TAGLN: variants seen among roughly 807,000 people sequenced by gnomAD.
TAGLN encodes the protein transgelin.
TAGLN carries 16 observed loss-of-function variants against 21.9 expected under a neutral mutation model. The observed-to-expected ratio is 0.73, with a 90% CI of 0.49 to 1.11. The LOEUF (loss-of-function observed/expected upper bound fraction) is 1.11, where lower values mean the gene tolerates loss of function less well. Among genes scored for constraint, TAGLN ranks in the 50% least tolerant of loss-of-function variants. The pLI is 0.00. For missense variants in TAGLN, 248 were observed against 263.2 expected (o/e 0.94, Z 0.40); for synonymous variants, 96 against 94.9 (o/e 1.01, Z -0.06).
Position 117,205,162 on chromosome 11 carries a change from TA to T in TAGLN, c.*811del. On this transcript the variant is annotated 3_prime_UTR_variant, in exon 5 of 5. Coordinates refer to ENST00000392951, the MANE Select transcript of TAGLN (RefSeq NM_003186.5). Reference sequence around the variant, plus strand: ...AAAGAGAAAAACAAATCTTAAGCATTAAAAAAAATTCAACCAACTAGCTCAG... The same window carrying T: ...AAAGAGAAAAACAAATCTTAAGCATTAAAAAAATTCAACCAACTAGCTCAG... 3 of 232,312 alleles carry T rather than the reference TA, an allele frequency of 1.3e-5. No individual in the cohort carries two copies. Among genetic ancestry groups the T allele is most frequent in the South Asian group, 1.8e-4 (1 of 5,518 alleles). The allele number at this position is 232,312 out of a possible 1,614,324, so 14.4% of individuals were successfully genotyped here. A position where few individuals can be genotyped will look rare whatever the true frequency, so the allele number is the denominator to read the frequency against.
Position 117,205,397 on chromosome 11 carries a change from C to A in TAGLN, c.*1038C>A. 1 of 233,520 alleles carries A rather than the reference C, an allele frequency of 4.3e-6. No individual in the cohort carries two copies. Among genetic ancestry groups the A allele is most frequent in the East Asian group, 6.0e-5 (1 of 16,552 alleles). 14.5% of individuals were successfully genotyped at this position (233,520 alleles called of 1,614,324 possible). A position where few individuals can be genotyped will look rare whatever the true frequency, so the allele number is the denominator to read the frequency against. ...CCTGCCGCAGGATTCCCTAGTGAAG[C>A]AGCTCAGGCCTGGGGGAGCCGTGTG... On this transcript the variant is annotated 3_prime_UTR_variant, in exon 5 of 5. Transcript: ENST00000392951.
intron 1 of TAGLN, 112 bp from the exon 2 acceptor site, chr11:117,202,890 G>A: frequency 1.0e-6 from 1 of 984,442 alleles, no homozygotes; most frequent in Admixed American, 3.1e-5. Flanking sequence ...TGTGACAAGT[G>A]TCTAGGATGG....
rs2031252754 is a variant in TAGLN, at chr11:117,204,476, GC to G, written c.*118del. 2 of 1,493,678 alleles carry G rather than the reference GC, an allele frequency of 1.3e-6. No individual in the cohort carries two copies. The highest frequency in any genetic ancestry group is 3.8e-5 in the Admixed American group (2 of 52,952). The allele number at this position is 1,493,678 out of a possible 1,614,324, so 92.5% of individuals were successfully genotyped here. A position where few individuals can be genotyped will look rare whatever the true frequency, so the allele number is the denominator to read the frequency against. On this transcript the variant is annotated 3_prime_UTR_variant, in exon 5 of 5. Coordinates refer to ENST00000392951, the MANE Select transcript of TAGLN (RefSeq NM_003186.5). The stretch of plus-strand genomic sequence containing the variant: ...CCTTCAGCCCTGGCCAAGCTTTGAG[GC>G]TCTGTCACTGAGCAATGGTAACTGC...
At chr11:117,202,379 G>C (rs2031135498) in intron 1 of TAGLN, 1 of 152,320 alleles carries the variant, frequency 6.6e-6, no homozygotes, top group Admixed American at 6.5e-5. Flanking sequence ...AAGAGCTGGA[G>C]TTCTGGAGTT....
chr11:117,203,639 C>T lies in TAGLN; in HGVS notation c.359-143C>T, dbSNP rs2031200708. The stretch of plus-strand genomic sequence containing the variant: ...AGAATAACACGCCACGCTCACAGGG[C>T]CCACTGAGAGGCCTCCCTTGAATTG... On this transcript the variant is annotated intron_variant, in intron 3 of 4. Coordinates refer to ENST00000392951, the MANE Select transcript of TAGLN (RefSeq NM_003186.5). The surrounding 1 kb of genome is among the most constrained non-coding windows in gnomAD (Gnocchi z 4.4). 5 of 1,239,252 alleles carry T rather than the reference C, an allele frequency of 4.0e-6. No homozygotes were observed. The highest frequency in any genetic ancestry group is 4.5e-6 in the Non-Finnish European group (4 of 884,262). 76.8% of individuals were successfully genotyped at this position (1,239,252 alleles called of 1,614,324 possible).
chr11:117,203,885 G>A lies in TAGLN; in HGVS notation c.461+1G>A. 6.2e-7 allele frequency: 1 copy of A among 1,613,396 alleles called. No individual in the cohort carries two copies. Among genetic ancestry groups the A allele is most frequent in the Non-Finnish European group, 8.5e-7 (1 of 1,179,426 alleles). The stretch of plus-strand genomic sequence containing the variant: ...GTGGAGATCCCAACTGGTTTATGAA[G>A]TATGTGGCCCCCAGGGAGCTTGGGT... On this transcript the variant is annotated splice_donor_variant, in intron 4 of 4. Coordinates refer to ENST00000392951, the MANE Select transcript of TAGLN (RefSeq NM_003186.5). LOFTEE classifies it high-confidence loss of function. The surrounding 1 kb of genome is among the most constrained non-coding windows in gnomAD (Gnocchi z 4.4).
Position 117,203,031 on chromosome 11 carries a change from T to C in TAGLN, c.18T>C (p.Pro6=), listed in dbSNP as rs760480632. MANKG[P]SYGMSREVQS... Reference sequence around the variant, plus strand: ...CCCCAGACATGGCCAACAAGGGTCCTTCCTATGGCATGAGCCGCGAAGTGC... The same window carrying C: ...CCCCAGACATGGCCAACAAGGGTCCCTCCTATGGCATGAGCCGCGAAGTGC... The change falls in exon 2 of 5, where the codon CCT becomes CCC. Residue 6 remains proline (P), a synonymous_variant. Coordinates refer to ENST00000392951, the MANE Select transcript of TAGLN (RefSeq NM_003186.5). The surrounding 1 kb of genome is among the most constrained non-coding windows in gnomAD (Gnocchi z 4.4). 1 of 1,576,356 alleles carries C rather than the reference T, an allele frequency of 6.3e-7. No individual in the cohort carries two copies. Among genetic ancestry groups the C allele is most frequent in the East Asian group, 2.2e-5 (1 of 44,662 alleles).
Position 117,204,350 on chromosome 11 carries a change from C to G in TAGLN, c.597C>G (p.Ile199Met). ...CAGGCTACGGACGACCTCGGCAGAT[C>G]ATCAGTTAGAGCGGAGAGGGCTAGC... ...GMTGYGRPRQ[I>M]IS The change falls in exon 5 of 5, where the codon ATC (isoleucine) becomes ATG (methionine). Residue 199 changes from isoleucine (I) to methionine (M), a missense_variant. Ile to Met is a conservative substitution (Grantham distance 10). Transcript: ENST00000392951. 1 of 1,614,240 alleles carries G rather than the reference C, an allele frequency of 6.2e-7. No individual in the cohort carries two copies. The highest frequency in any genetic ancestry group is 8.5e-7 in the Non-Finnish European group (1 of 1,180,048).
Position 117,205,283 on chromosome 11 carries a change from G to A in TAGLN, c.*924G>A. 4.3e-6 allele frequency: 1 copy of A among 233,812 alleles called. No individual in the cohort carries two copies. Among genetic ancestry groups the A allele is most frequent in the Non-Finnish European group, 8.5e-6 (1 of 118,098 alleles). 14.5% of individuals were successfully genotyped at this position (233,812 alleles called of 1,614,324 possible). The stretch of plus-strand genomic sequence containing the variant: ...AAGGCCATTTCCCTGAGCACTTGCA[G>A]AGGAAGACAGGGTGGTGGCAGGACT... On this transcript the variant is annotated 3_prime_UTR_variant, in exon 5 of 5. Transcript: ENST00000392951.
rs1401814768 is a variant in TAGLN, at chr11:117,204,446, T to A, written c.*87T>A. The A allele has an allele frequency of 6.3e-6, 10 of 1,590,832 alleles. No individual in the cohort carries two copies. The highest frequency in any genetic ancestry group is 7.7e-6 in the Non-Finnish European group (9 of 1,163,914). On this transcript the variant is annotated 3_prime_UTR_variant, in exon 5 of 5. Coordinates refer to ENST00000392951, the MANE Select transcript of TAGLN (RefSeq NM_003186.5). ...TTAGCCTGCCTCACCCACACCCGTGTGGTACCTTCAGCCCTGGCCAAGCTT... is the reference window on the plus strand; with the variant it reads ...TTAGCCTGCCTCACCCACACCCGTGAGGTACCTTCAGCCCTGGCCAAGCTT...
At chr11:117,199,664 CG>C (rs1185659357) in intron 1 of TAGLN, 11 of 152,276 alleles carry the variant, frequency 7.2e-5, no homozygotes, top group African/African-American at 2.4e-4. Context: ...TGAAATGCCC[CG>C]GATGACTTGG....
At chr11:117,202,922 A>T in intron 1 of TAGLN, 80 bp from the exon 2 acceptor site, 1 of 1,361,270 alleles carries the variant, frequency 7.3e-7, no homozygotes, top group Non-Finnish European at 9.9e-7. Flanking sequence ...GCACAGAGCT[A>T]GAAGGCTGCC....
chr11:117,203,349 A>G lies in TAGLN; in HGVS notation c.223A>G (p.Lys75Glu). 1 of 1,614,200 alleles carries G rather than the reference A, an allele frequency of 6.2e-7. No individual in the cohort carries two copies. Among genetic ancestry groups the G allele is most frequent in the East Asian group, 2.2e-5 (1 of 44,886 alleles). The change falls in exon 3 of 5, where the codon AAG becomes GAG. Residue 75 changes from lysine to glutamate, a missense_variant. Transcript: ENST00000392951. The surrounding 1 kb of genome is among the most constrained non-coding windows in gnomAD (Gnocchi z 4.4). ...GAACAGCCTGTACCCTGATGGCTCCAAGCCGGTGAAGGTGCCCGAGAACCC... is the reference window on the plus strand; with the variant it reads ...GAACAGCCTGTACCCTGATGGCTCCGAGCCGGTGAAGGTGCCCGAGAACCC... ...LVNSLYPDGS[K>E]PVKVPENPPS...
rs1156522945 is a variant in TAGLN at position 117,203,400 on chromosome 11, G to A, written c.274G>A (p.Glu92Lys). Residue 92 changes from glutamate to lysine, a missense_variant, in exon 3 of 5, where the codon GAG (glutamate) becomes AAG (lysine). By Grantham distance (56) the Glu-to-Lys change is moderately conservative. Transcript: ENST00000392951. The surrounding 1 kb of genome is among the most constrained non-coding windows in gnomAD (Gnocchi z 4.4). ...NPPSMVFKQM[E>K]QVAQFLKAAE... ...ACCCTCCATGGTCTTCAAGCAGATG[G>A]AGCAGGTGGCTCAGTTCCTGAAGGC... 1 of 1,614,098 alleles carries A rather than the reference G, an allele frequency of 6.2e-7. No homozygotes were observed. The highest frequency in any genetic ancestry group is 8.5e-7 in the Non-Finnish European group (1 of 1,180,048).
Position 117,203,327 on chromosome 11 carries a change from C to A in TAGLN, c.201C>A (p.Asn67Lys). 1.9e-6 allele frequency: 3 copies of A among 1,614,204 alleles called. No individual in the cohort carries two copies. Among genetic ancestry groups the A allele is most frequent in the Non-Finnish European group, 2.5e-6 (3 of 1,180,030 alleles). The change falls in exon 3 of 5, where the codon AAC (asparagine) becomes AAA (lysine). Residue 67 changes from asparagine (N) to lysine (K), a missense_variant. Asn to Lys is a moderately conservative substitution (Grantham distance 94). Transcript: ENST00000392951. This position sits in a 1 kb window ranked among gnomAD's most constrained non-coding sequence, Gnocchi z 4.4. ...GGTAGATTCTGAGCAAGCTGGTGAA[C>A]AGCCTGTACCCTGATGGCTCCAAGC... Reference protein sequence around the residue: ...KNGVILSKLVNSLYPDGSKPV... With the variant: ...KNGVILSKLVKSLYPDGSKPV...
At chr11:117,201,926 T>C (rs1203285079) in intron 1 of TAGLN, 1 of 152,228 alleles carries the variant, frequency 6.6e-6, no homozygotes, top group South Asian at 2.1e-4. Flanking sequence ...CACCCTAGGG[T>C]GACATCAGTG....
chr11:117,206,898 C>A lies in TAGLN; in HGVS notation c.*2539C>A. On this transcript the variant is annotated 3_prime_UTR_variant, in exon 5 of 5. Coordinates refer to ENST00000392951, the MANE Select transcript of TAGLN (RefSeq NM_003186.5). Reference sequence around the variant, plus strand: ...GCCTTACAGGTGAAGACAGGGAAGCCCCACAGCAAAAAGGAGAGGCCCAGA... The same window carrying A: ...GCCTTACAGGTGAAGACAGGGAAGCACCACAGCAAAAAGGAGAGGCCCAGA... 1 of 721,488 alleles carries A rather than the reference C, an allele frequency of 1.4e-6. No homozygotes were observed. Among genetic ancestry groups the A allele is most frequent in the Non-Finnish European group, 2.6e-6 (1 of 391,990 alleles). The allele number at this position is 721,488 out of a possible 1,614,324, so 44.7% of individuals were successfully genotyped here.
In TAGLN at chr11:117,206,099, C is replaced by G; in HGVS notation, c.*1740C>G. ...ACAGGCTCCAGTCCCCTTGCTCCAG[C>G]AGGTCTGGGGCAAGGAGGTCAGAGG... On this transcript the variant is annotated 3_prime_UTR_variant, in exon 5 of 5. Transcript: ENST00000392951. 6.4e-7 allele frequency: 1 copy of G among 1,570,690 alleles called. No homozygotes were observed. Among genetic ancestry groups the G allele is most frequent in the Non-Finnish European group, 8.7e-7 (1 of 1,146,836 alleles).
chr11:117,202,531 G>C (rs1371426238), intron 1 of TAGLN: 1 of 152,316 alleles, frequency 6.6e-6, no homozygotes, highest in Non-Finnish European at 1.5e-5. Flanking sequence ...GCTTCTGGAA[G>C]GTCTCTCCAG....
Sources: allele counts gnomAD v4.1 joint callset, GRCh38; gene constraint gnomAD v4.1.1; non-coding constraint Gnocchi (gnomAD v3.1); transcripts MANE v1.5; gene names NCBI Gene and HGNC (gene_info 2026-07-23, HGNC 2026-07-21).